PCDH7: variants seen among roughly 807,000 people sequenced by gnomAD.
PCDH7 encodes protocadherin 7.
Under a neutral mutation model 58.9 loss-of-function variants are expected in PCDH7, and 17 were observed. The observed-to-expected ratio is 0.29, with a 90% CI of 0.20 to 0.43. The LOEUF is 0.43. Ranked by LOEUF, PCDH7 falls within the 20% of genes least tolerant of loss-of-function variation. The pLI is 1.00. For missense variants in PCDH7, 1,274 were observed against 1,441.0 expected (o/e 0.88, Z 1.88); for synonymous variants, 664 against 616.4 (o/e 1.08, Z -1.14).
chr4:30,724,061 T>C (rs1714231821), exon 1 of PCDH7: 3 of 1,614,114 alleles, frequency 1.9e-6, no homozygotes, highest in Middle Eastern at 1.6e-4. Flanking sequence ...AGACTCAGTA[T>C]TGTCATTGGC....
intron 1 of PCDH7, among the ~76,000 whole-genome samples, chr4:30,799,877 G>A (rs527691085): frequency 4.1e-5 from 6 of 148,090 alleles, no homozygotes; most frequent in African/African-American, 5.0e-5. Flanking sequence ...TTTTGGACAC[G>A]GAGTCTCACT....
At position 30,974,281 on chromosome 4, in the gene PCDH7, T is replaced by C. The variant is rs544249017; in HGVS notation, c.*7+24066T>C. ...TTTCCTTTCCTTTCCTTTCATAAAT[T>C]TCTGTCTTTGATTACTAAATGTATT... On this transcript the variant is annotated intron_variant, in intron 3 of 3. Transcript: ENST00000509759. Among the ~76,000 whole-genome samples, 7 of 151,726 alleles carry C rather than the reference T, an allele frequency of 4.6e-5. No individual in the cohort carries two copies. The South Asian group carries it at 1.5e-3, about 32-fold the overall frequency.
intron 3 of PCDH7, among the ~76,000 whole-genome samples, chr4:30,979,026 G>A (rs1750315903): frequency 1.3e-5 from 2 of 151,946 alleles, no homozygotes; most frequent in South Asian, 4.1e-4. Flanking sequence ...AATTTTCATT[G>A]GTGAGAAAAG....
At chr4:30,847,880 G>A (rs1732193764) in intron 1 of PCDH7, among the ~76,000 whole-genome samples, 3 of 151,890 alleles carry the variant, frequency 2.0e-5, no homozygotes, top group Admixed American at 2.0e-4. Flanking sequence ...TCTAAACCTA[G>A]TAATATATCA....
chr4:30,847,621 G>A (rs757506213), intron 1 of PCDH7, among the ~76,000 whole-genome samples: 11 of 152,130 alleles, frequency 7.2e-5, no homozygotes, highest in Non-Finnish European at 1.2e-4. Context: ...ATAGTTTAGT[G>A]AAACTTTTTT....
chr4:31,126,458 G>A (rs1179380325), intron 3 of PCDH7, among the ~76,000 whole-genome samples: 2 of 151,968 alleles, frequency 1.3e-5, no homozygotes, highest in Non-Finnish European at 2.9e-5. Flanking sequence ...CCTCACGCAG[G>A]CAATTTATTG....
intron 1 of PCDH7, among the ~76,000 whole-genome samples, chr4:30,898,851 A>G (rs78758260): frequency 1.2e-4 from 18 of 152,078 alleles, no homozygotes; most frequent in Admixed American, 1.2e-3. Flanking sequence ...TCGGCCTCCC[A>G]AAGTGCTGGG....
rs533935438 is a variant in PCDH7, at chr4:31,127,324, G to A, written c.*8-15149G>A. Among the ~76,000 whole-genome samples, 140 of 152,210 alleles carry A rather than the reference G, an allele frequency of 9.2e-4. 1 individual carries two copies. The highest frequency in any genetic ancestry group is 3.4e-3 in the Middle Eastern group (1 of 294). ...CACTCCTGATTTTTTTACACTATGAGTTTGTTAAGCGCAGACACGTTTAAC... is the reference window on the plus strand; with the variant it reads ...CACTCCTGATTTTTTTACACTATGAATTTGTTAAGCGCAGACACGTTTAAC... On this transcript the variant is annotated intron_variant, in intron 3 of 3. Coordinates refer to the PCDH7 transcript ENST00000509759.
chr4:31,005,201 G>A (rs1007818156), intron 3 of PCDH7, among the ~76,000 whole-genome samples: 1 of 152,194 alleles, frequency 6.6e-6, no homozygotes, highest in African/African-American at 2.4e-5. Context: ...ATCTGTTGTT[G>A]AGGTTATGAG....
At chr4:30,810,181 C>G (rs1726789852) in intron 1 of PCDH7, among the ~76,000 whole-genome samples, 1 of 152,144 alleles carries the variant, frequency 6.6e-6, no homozygotes, top group Admixed American at 6.5e-5. Flanking sequence ...ATGTTCACTT[C>G]TCATAATAAT....
intron 3 of PCDH7, among the ~76,000 whole-genome samples, chr4:31,072,052 T>C (rs945102972): frequency 4.6e-5 from 7 of 152,018 alleles, no homozygotes; most frequent in Admixed American, 2.0e-4. Context: ...GAAGACAGTG[T>C]TGGAGTGATC....
At chr4:31,064,754 A>G (rs1757948677) in intron 3 of PCDH7, among the ~76,000 whole-genome samples, 1 of 151,878 alleles carries the variant, frequency 6.6e-6, no homozygotes, top group African/African-American at 2.4e-5. Flanking sequence ...AATTTAGCTA[A>G]TTACCTCAGC....
chr4:31,028,866 A>G (rs1754663041), intron 3 of PCDH7, among the ~76,000 whole-genome samples: 1 of 152,166 alleles, frequency 6.6e-6, no homozygotes, highest in Non-Finnish European at 1.5e-5. Context: ...AAAAAATAGA[A>G]AAACAAATTA....
chr4:30,903,745 A>G (rs1740526183), intron 1 of PCDH7, among the ~76,000 whole-genome samples: 1 of 152,174 alleles, frequency 6.6e-6, no homozygotes, highest in African/African-American at 2.4e-5. Flanking sequence ...TTCCCTAAAT[A>G]CAATATTAGT....
At chr4:30,943,664 G>A (rs1433653077) in intron 2 of PCDH7, among the ~76,000 whole-genome samples, 1 of 151,734 alleles carries the variant, frequency 6.6e-6, no homozygotes, top group Non-Finnish European at 1.5e-5. Flanking sequence ...GGATGACTTT[G>A]AGTGTGGTCC....
At chr4:30,822,876 T>C (rs1358352243) in intron 1 of PCDH7, among the ~76,000 whole-genome samples, 2 of 152,302 alleles carry the variant, frequency 1.3e-5, no homozygotes, top group East Asian at 3.9e-4. Flanking sequence ...AATTCTCTTT[T>C]GAAAGCAACA....
At chr4:31,037,198 C>T (rs79601444) in intron 3 of PCDH7, among the ~76,000 whole-genome samples, 11,125 of 152,156 alleles carry the variant, frequency 0.073, 574 homozygotes, top group South Asian at 0.18. Flanking sequence ...TTTCTCTAAC[C>T]CCATCTCTGC....
At chr4:30,787,229 T>A (rs1465067112) in intron 1 of PCDH7, among the ~76,000 whole-genome samples, 1 of 152,074 alleles carries the variant, frequency 6.6e-6, no homozygotes, top group Non-Finnish European at 1.5e-5. Flanking sequence ...ATATATGGGA[T>A]TTCATTTGCC....
intron 1 of PCDH7, among the ~76,000 whole-genome samples, chr4:30,810,337 T>C (rs1004721072): frequency 2.6e-5 from 4 of 152,140 alleles, no homozygotes; most frequent in African/African-American, 9.7e-5. Context: ...GTTACATCTG[T>C]AGTTCATTTT....
Sources: allele counts gnomAD v4.1 joint callset (sites outside exome capture counted in the v4.1 genomes callset), GRCh38; gene constraint gnomAD v4.1.1; transcripts MANE v1.5; gene names NCBI Gene and HGNC (gene_info 2026-07-23, HGNC 2026-07-21).